Variants in GRID1 observed in about 807,000 individuals in gnomAD.
GRID1 encodes the protein glutamate receptor ionotropic, delta-1.
In GRID1, 28 loss-of-function variants were observed where a neutral mutation model predicts 98.0. That is an observed-to-expected ratio of 0.29 (90% CI 0.21 to 0.39). GRID1 has a LOEUF of 0.39. GRID1 is among the 10% of genes least tolerant of loss of function. The pLI is 1.00. For synonymous variants in GRID1, 553 were observed against 538.5 expected, an observed-to-expected ratio of 1.03 and a Z score of -0.37; for missense variants, 1,111 against 1,340.5, an observed-to-expected ratio of 0.83 and a Z score of 2.67.
chr10:85,618,389 G>A (rs1035743661), intron 14 of GRID1, among the ~76,000 whole-genome samples: 4 of 152,212 alleles, frequency 2.6e-5, no homozygotes, highest in East Asian at 1.9e-4. Context: ...CTCCCATTTC[G>A]GAAAACCAAC....
intron 2 of GRID1, among the ~76,000 whole-genome samples, chr10:86,313,671 A>G (rs1847861356): frequency 6.6e-6 from 1 of 152,128 alleles, no homozygotes; most frequent in African/African-American, 2.4e-5. Context: ...ACCCTCTTCC[A>G]ATCCAAAACC....
intron 2 of GRID1, among the ~76,000 whole-genome samples, chr10:86,341,707 G>T (rs993695893): frequency 2.0e-5 from 3 of 152,222 alleles, no homozygotes; most frequent in Admixed American, 1.3e-4. Flanking sequence ...GCCTCGGGCA[G>T]TGGGGTAGAC....
At chr10:85,658,446 T>A (rs1840927753) in intron 12 of GRID1, among the ~76,000 whole-genome samples, 1 of 152,128 alleles carries the variant, frequency 6.6e-6, no homozygotes, top group African/African-American at 2.4e-5. Context: ...CTTCAGGAGA[T>A]TAAGGAATTT....
chr10:86,335,956 G>A (rs963619530), intron 2 of GRID1, among the ~76,000 whole-genome samples: 1 of 152,228 alleles, frequency 6.6e-6, no homozygotes, highest in East Asian at 1.9e-4. Context: ...ACCCTTAGAG[G>A]GGCCCTCTCA....
At chr10:85,758,353 A>G (rs1302482910) in intron 8 of GRID1, among the ~76,000 whole-genome samples, 1 of 152,166 alleles carries the variant, frequency 6.6e-6, no homozygotes, top group African/African-American at 2.4e-5. Flanking sequence ...GCCATCAGCC[A>G]GGGAAAACCA....
chr10:85,982,204 A>T lies in GRID1; in HGVS notation c.727-65965T>A, dbSNP rs113717239. ...AAGGGCTCTTGCCACAAAAAAAAAA[A>T]AAAAATTGGGTAAACTATGTGAGAT... On this transcript the variant is annotated intron_variant, in intron 4 of 15. Coordinates refer to ENST00000327946, the MANE Select transcript of GRID1 (RefSeq NM_017551.3). Among the ~76,000 whole-genome samples the T allele has an allele frequency of 3.8e-3, 582 of 152,128 alleles. 4 individuals carry two copies. The highest frequency in any genetic ancestry group is 0.013 in the African/African-American group (532 of 41,496).
At chr10:86,089,415 A>G (rs1407427713) in intron 4 of GRID1, among the ~76,000 whole-genome samples, 1 of 152,140 alleles carries the variant, frequency 6.6e-6, no homozygotes, top group African/African-American at 2.4e-5. Flanking sequence ...CAATAATGAG[A>G]CAGCAACCCC....
chr10:85,816,984 T>G (rs1193635947), intron 8 of GRID1, among the ~76,000 whole-genome samples: 2 of 152,208 alleles, frequency 1.3e-5, no homozygotes, highest in Non-Finnish European at 2.9e-5. Context: ...TGTGTTAGTT[T>G]CCTTAGGACA....
In GRID1 at chr10:85,869,006, T is replaced by C. The variant is rs1216585063; in HGVS notation, c.951+4A>G. 4 of 1,612,114 alleles carry C rather than the reference T, an allele frequency of 2.5e-6. No homozygotes were observed. The African/African-American group carries it at 4.0e-5, about 16-fold the overall frequency. The stretch of plus-strand genomic sequence containing the variant: ...GGACTGGAGAGAAGAGGCTGAGCAC[T>C]GACCTGCAGCATCTGGAGGTAGCCT... On this transcript the variant is annotated splice_donor_region_variant and intron_variant, in intron 6 of 15. Coordinates refer to ENST00000327946, the MANE Select transcript of GRID1 (RefSeq NM_017551.3).
intron 3 of GRID1, among the ~76,000 whole-genome samples, chr10:86,186,570 G>A (rs977647543): frequency 6.6e-6 from 1 of 152,166 alleles, no homozygotes; most frequent in Admixed American, 6.5e-5. Context: ...ACCAGTGTTT[G>A]TCTTTCTTGA....
intron 8 of GRID1, among the ~76,000 whole-genome samples, chr10:85,785,962 A>G (rs1464425508): frequency 1.3e-5 from 2 of 151,420 alleles, no homozygotes; most frequent in Non-Finnish European, 2.9e-5. Flanking sequence ...ACACGTGTAC[A>G]TACCATACCC....
intron 12 of GRID1, among the ~76,000 whole-genome samples, chr10:85,685,025 G>A (rs1018304118): frequency 2.6e-5 from 4 of 152,128 alleles, no homozygotes; most frequent in African/African-American, 9.7e-5. Context: ...TGAGTTTTGG[G>A]GAGAGATGTA....
chr10:86,087,412 T>A (rs1844077167), intron 4 of GRID1, among the ~76,000 whole-genome samples: 1 of 150,552 alleles, frequency 6.6e-6, no homozygotes, highest in African/African-American at 2.4e-5. Context: ...GTGTCCGGGG[T>A]GTCTGTGTAT....
intron 4 of GRID1, among the ~76,000 whole-genome samples, chr10:86,090,819 C>T (rs1319931744): frequency 6.6e-6 from 1 of 152,210 alleles, no homozygotes; most frequent in Non-Finnish European, 1.5e-5. Flanking sequence ...CTGTGAATAT[C>T]CCAACTCCAG....
intron 2 of GRID1, among the ~76,000 whole-genome samples, chr10:86,216,458 G>C (rs1401111660): frequency 6.6e-6 from 1 of 152,224 alleles, no homozygotes; most frequent in East Asian, 1.9e-4. Flanking sequence ...GGAAAATTCT[G>C]TCTTGTCCAA....
At chr10:85,835,701 T>C (rs972277388) in intron 8 of GRID1, among the ~76,000 whole-genome samples, 22 of 152,308 alleles carry the variant, frequency 1.4e-4, no homozygotes, top group Admixed American at 7.8e-4. Context: ...TTGACACATA[T>C]AGAACATTTA....
At chr10:86,179,021 G>A (rs1252822363) in intron 3 of GRID1, among the ~76,000 whole-genome samples, 1 of 152,098 alleles carries the variant, frequency 6.6e-6, no homozygotes, top group East Asian at 1.9e-4. Flanking sequence ...CCAGGTCCCA[G>A]CCTAGCCTGA....
chr10:85,936,456 G>A (rs1393201556), intron 4 of GRID1, among the ~76,000 whole-genome samples: 1 of 151,412 alleles, frequency 6.6e-6, no homozygotes, highest in Non-Finnish European at 1.5e-5. Context: ...TATCCATTAT[G>A]TTGTTCTATG....
At chr10:85,876,990 G>C (rs931973313) in intron 5 of GRID1, among the ~76,000 whole-genome samples, 4 of 152,226 alleles carry the variant, frequency 2.6e-5, no homozygotes, top group Non-Finnish European at 5.9e-5. Flanking sequence ...TACGCCCACG[G>C]AGTCTCGCTG....
Sources: allele counts gnomAD v4.1 joint callset (sites outside exome capture counted in the v4.1 genomes callset), GRCh38; gene constraint gnomAD v4.1.1; transcripts MANE v1.5; gene names NCBI Gene and HGNC (gene_info 2026-07-23, HGNC 2026-07-21).